The following CADM2 variants were observed in gnomAD, a reference collection of about 807,000 sequenced individuals.
The protein encoded by CADM2 is cell adhesion molecule 2.
CADM2 carries 12 observed loss-of-function variants against 49.8 expected under a neutral mutation model. The observed-to-expected ratio is 0.24, with a 90% confidence interval of 0.15 to 0.39. The LOEUF (loss-of-function observed/expected upper bound fraction) is 0.39. CADM2 is among the 10% of genes least tolerant of loss of function. CADM2 has a pLI of 1.00. For synonymous variants in CADM2, 214 were observed against 175.4 expected, an observed-to-expected ratio of 1.22 and a Z score of -1.74; for missense variants, 378 against 492.3, an observed-to-expected ratio of 0.77 and a Z score of 2.20.
intron 1 of CADM2, among the ~76,000 whole-genome samples, chr3:85,067,651 C>T (rs1159403076): frequency 2.0e-5 from 3 of 152,018 alleles, no homozygotes; most frequent in Non-Finnish European, 4.4e-5. Context: ...TGTTTTTCTT[C>T]CTGAAGCATG....
intron 8 of CADM2, among the ~76,000 whole-genome samples, chr3:85,977,154 AAAAAC>A (rs954258575): frequency 2.6e-5 from 4 of 151,218 alleles, no homozygotes; most frequent in African/African-American, 7.2e-5. Context: ...TATTGTAAAT[AAAAAC>A]AAAACAAAAC....
intron 1 of CADM2, among the ~76,000 whole-genome samples, chr3:85,457,075 C>A (rs1346780138): frequency 6.6e-6 from 1 of 151,870 alleles, no homozygotes; most frequent in Non-Finnish European, 1.5e-5. Context: ...TTTGTAATCA[C>A]CCCAAACTGT....
At chr3:85,965,755 A>C (rs1011517596) in intron 8 of CADM2, among the ~76,000 whole-genome samples, 26 of 151,574 alleles carry the variant, frequency 1.7e-4, no homozygotes, top group African/African-American at 6.3e-4. Context: ...CCGAATGTGC[A>C]TCCATTCACT....
chr3:85,357,680 G>GA (rs11371724), intron 1 of CADM2, among the ~76,000 whole-genome samples: 141,180 of 152,058 alleles, frequency 0.93, 65,814 homozygotes, highest in Non-Finnish European at 0.97. Flanking sequence ...ACCTTCCCAA[G>GA]GTCGCATTCA....
intron 2 of CADM2, among the ~76,000 whole-genome samples, chr3:85,791,370 G>A (rs2071311950): frequency 6.6e-6 from 1 of 152,074 alleles, no homozygotes; most frequent in Non-Finnish European, 1.5e-5. Flanking sequence ...TAATTTAGTG[G>A]AAGTAATAGC....
intron 1 of CADM2, among the ~76,000 whole-genome samples, chr3:85,184,729 T>C (rs1214317238): frequency 1.3e-5 from 2 of 152,112 alleles, no homozygotes; most frequent in Admixed American, 6.6e-5. Context: ...CTTAACATCA[T>C]GCTGTAGAAA....
At chr3:85,970,623 G>A (rs1447794198) in intron 8 of CADM2, among the ~76,000 whole-genome samples, 2 of 149,846 alleles carry the variant, frequency 1.3e-5, no homozygotes, top group African/African-American at 5.0e-5. Flanking sequence ...TTTCAATATA[G>A]AATATTGCAT....
chr3:85,099,412 C>A (rs2037926934), intron 1 of CADM2, among the ~76,000 whole-genome samples: 1 of 151,876 alleles, frequency 6.6e-6, no homozygotes, highest in African/African-American at 2.4e-5. Flanking sequence ...ATATGAGACA[C>A]TTACTTATAA....
chr3:85,151,829 G>T (rs1203763791), intron 1 of CADM2, among the ~76,000 whole-genome samples: 1 of 152,184 alleles, frequency 6.6e-6, no homozygotes, highest in African/African-American at 2.4e-5. Flanking sequence ...CTTCACAGCA[G>T]ATTTATAAGT....
chr3:85,871,499 G>A (rs561276853), intron 3 of CADM2, among the ~76,000 whole-genome samples: 1 of 152,214 alleles, frequency 6.6e-6, no homozygotes, highest in South Asian at 2.1e-4. Flanking sequence ...ACACTCATCT[G>A]TGCTCAGATA....
At chr3:85,622,235 T>C (rs558314958) in intron 1 of CADM2, among the ~76,000 whole-genome samples, 1 of 152,166 alleles carries the variant, frequency 6.6e-6, no homozygotes, top group South Asian at 2.1e-4. Context: ...TATAGCTTAA[T>C]ATGTCAGCAA....
intron 1 of CADM2, among the ~76,000 whole-genome samples, chr3:85,040,618 T>TA (rs1478513794): frequency 6.6e-6 from 1 of 152,200 alleles, no homozygotes; most frequent in Non-Finnish European, 1.5e-5. Flanking sequence ...CTGGTGTTTA[T>TA]AAAACAGCAG....
intron 1 of CADM2, among the ~76,000 whole-genome samples, chr3:84,967,409 C>T (rs17022126): frequency 0.048 from 7,270 of 152,170 alleles, 226 homozygotes; most frequent in Admixed American, 0.09. Context: ...TCATAACTTC[C>T]GTTCATTCTG....
intron 1 of CADM2, among the ~76,000 whole-genome samples, chr3:85,628,664 T>C (rs1490990646): frequency 6.7e-6 from 1 of 148,384 alleles, no homozygotes; most frequent in African/African-American, 2.5e-5. Flanking sequence ...TATGTATATG[T>C]GTATATATAC....
intron 1 of CADM2, among the ~76,000 whole-genome samples, chr3:85,334,711 T>C (rs369106432): frequency 6.6e-6 from 1 of 151,590 alleles, no homozygotes. Flanking sequence ...GTTCTAAATC[T>C]TGGATTCTCT....
At chr3:85,906,871 A>G (rs1716872817) in intron 5 of CADM2, among the ~76,000 whole-genome samples, 1 of 151,606 alleles carries the variant, frequency 6.6e-6, no homozygotes, top group South Asian at 2.1e-4. Context: ...ACCTTAAGAC[A>G]CACACAAAAA....
chr3:85,040,567 C>T (rs1480128218), intron 1 of CADM2, among the ~76,000 whole-genome samples: 17 of 150,962 alleles, frequency 1.1e-4, no homozygotes. Context: ...AGAATTAAGC[C>T]ATCTCAAACA....
At chr3:85,174,920 A>G (rs1299359842) in intron 1 of CADM2, among the ~76,000 whole-genome samples, 1 of 152,208 alleles carries the variant, frequency 6.6e-6, no homozygotes, top group Non-Finnish European at 1.5e-5. Context: ...AATAACAGCA[A>G]CATCAACAAT....
intron 1 of CADM2, among the ~76,000 whole-genome samples, chr3:85,396,828 C>A (rs1055335884): frequency 6.6e-6 from 1 of 151,900 alleles, no homozygotes; most frequent in Non-Finnish European, 1.5e-5. Context: ...AGAAAATTTT[C>A]ATGACATTGG....
Sources: allele counts gnomAD v4.1 joint callset (sites outside exome capture counted in the v4.1 genomes callset), GRCh38; gene constraint gnomAD v4.1.1; transcripts MANE v1.5; gene names NCBI Gene and HGNC (gene_info 2026-07-23, HGNC 2026-07-21).